RARS1: variants seen among roughly 807,000 people sequenced by gnomAD.
RARS1 encodes arginyl-tRNA synthetase 1.
A neutral mutation model predicts 78.7 loss-of-function variants in RARS1; 75 were observed. The observed-to-expected ratio is 0.95, with a 90% confidence interval of 0.79 to 1.15. The LOEUF (loss-of-function observed/expected upper bound fraction) is 1.15, where lower values mean the gene tolerates loss of function less well. Among genes scored for constraint, RARS1 ranks in the 50% most tolerant of loss-of-function variants. The probability of loss-of-function intolerance (pLI) is 0.00; values close to 1 mark genes in which losing one functional copy is unlikely to be tolerated. For missense variants in RARS1, 787 were observed against 787.5 expected (o/e 1.00, Z 0.01); for synonymous variants, 273 against 268.2 (o/e 1.02, Z -0.18).
chr5:168,496,351 C>T (rs1334605464), intron 6 of RARS1, among the ~76,000 whole-genome samples: 1 of 146,068 alleles, frequency 6.8e-6, no homozygotes, highest in African/African-American at 2.5e-5. Context: ...TGCACTCCAG[C>T]CTGGGCAACA....
In RARS1 at chr5:168,495,319, T is replaced by A. The variant is rs1181756482; in HGVS notation, c.584T>A (p.Ile195Lys). The A allele has an allele frequency of 6.2e-7, 1 of 1,613,684 alleles. No individual in the cohort carries two copies. Among genetic ancestry groups the A allele is most frequent in the Non-Finnish European group, 8.5e-7 (1 of 1,179,776 alleles). The change falls in exon 6 of 15, where the codon ATA becomes AAA. Residue 195 changes from isoleucine (I) to lysine (K), a missense_variant. Transcript: ENST00000231572. ...LPALGENKKVIVDFSSPNIAK... is the reference protein window; with the variant it reads ...LPALGENKKVKVDFSSPNIAK... ...TTCTCTTTTTGTCTACCCCAGGTTA[T>A]AGTTGACTTTTCCTCCCCTAATATA... is the stretch of plus-strand genomic sequence containing the variant.
chr5:168,515,540 A>C (rs7714332), intron 12 of RARS1, among the ~76,000 whole-genome samples: 19,837 of 152,288 alleles, frequency 0.13, 1,729 homozygotes, highest in Non-Finnish European at 0.19. Context: ...TATAAAGATT[A>C]TGGCTGAGGT....
intron 14 of RARS1, 24 bp downstream of exon 14, chr5:168,518,086 T>TTTTC: frequency 7.0e-7 from 1 of 1,433,936 alleles, no homozygotes; most frequent in East Asian, 3.0e-5. Flanking sequence ...TTTTTTTTTT[T>TTTTC]TTTTTTTTTA....
intron 12 of RARS1, among the ~76,000 whole-genome samples, chr5:168,510,952 C>T (rs1163795117): frequency 6.6e-6 from 1 of 152,182 alleles, no homozygotes; most frequent in Non-Finnish European, 1.5e-5. Flanking sequence ...AACAGCAGTT[C>T]CCAAAGATGG....
Position 168,486,497 on chromosome 5 carries a change from G to C in RARS1, c.-2G>C, listed in dbSNP as rs576866252. ...CTTGGCGAGTGAGACGCTGATGGGA[G>C]GATGGACGTACTGGTGTCTGAGTGC... On this transcript the variant is annotated 5_prime_UTR_variant, in exon 1 of 15. Coordinates refer to ENST00000231572, the MANE Select transcript of RARS1 (RefSeq NM_002887.4). 2.0e-5 allele frequency: 31 copies of C among 1,558,438 alleles called. No homozygotes were observed. In the Admixed American group the frequency reaches 5.5e-4, roughly 28 times the overall value.
intron 7 of RARS1, among the ~76,000 whole-genome samples, chr5:168,499,211 G>A (rs993699858): frequency 1.3e-5 from 2 of 151,902 alleles, no homozygotes; most frequent in East Asian, 1.9e-4. Flanking sequence ...CTTGGGAGGC[G>A]GAGGTGGGAG....
intron 8 of RARS1, among the ~76,000 whole-genome samples, chr5:168,501,389 C>CT (rs987961080): frequency 6.6e-6 from 1 of 151,830 alleles, no homozygotes; most frequent in African/African-American, 2.4e-5. Context: ...ATAGGAAGAG[C>CT]TTTTTTTTCT....
intron 9 of RARS1, among the ~76,000 whole-genome samples, chr5:168,502,471 AGAGTGCT>A (rs2152904871): frequency 6.7e-6 from 1 of 149,234 alleles, no homozygotes; most frequent in South Asian, 2.1e-4. Context: ...TCGGCCTCCC[AGAGTGCT>A]GGGATTATAG....
At chr5:168,518,995 TA>T in intron 14 of RARS1, 85 bp from the exon 15 acceptor site, 1 of 1,172,184 alleles carries the variant, frequency 8.5e-7, no homozygotes. Flanking sequence ...CACTTCTAAC[TA>T]AAATTTGCAA....
rs1478621573 is a variant in RARS1 at position 168,502,084 on chromosome 5, G to A, written c.1036G>A (p.Val346Ile). Residue 346 changes from valine (V) to isoleucine (I), a missense_variant, in exon 9 of 15, where the codon GTA becomes ATA. Physicochemically the swap from Val to Ile is conservative, Grantham distance 29 (BLOSUM62 3). Transcript: ENST00000231572. ...SFYQDRMNDI[V>I]KEFEDRGFVQ... ...CTATCAAGATAGGATGAATGATATT[G>A]TAAAGGAATTTGAAGATAGAGGTAG... The A allele has an allele frequency of 2.5e-6, 4 of 1,602,620 alleles. No homozygotes were observed. The highest frequency in any genetic ancestry group is 3.4e-5 in the Admixed American group (2 of 58,552).
Position 168,486,481 on chromosome 5 carries a change from T to G in RARS1, c.-18T>G. 5.8e-6 allele frequency: 9 copies of G among 1,555,588 alleles called. No individual in the cohort carries two copies. Among genetic ancestry groups the G allele is most frequent in the Non-Finnish European group, 7.8e-6 (9 of 1,148,684 alleles). ...TTTCCGCTTCCGTCCACTTGGCGAG[T>G]GAGACGCTGATGGGAGGATGGACGT... On this transcript the variant is annotated 5_prime_UTR_variant, in exon 1 of 15. Coordinates refer to ENST00000231572, the MANE Select transcript of RARS1 (RefSeq NM_002887.4).
At chr5:168,492,946 G>A in intron 3 of RARS1, 99 bp downstream of exon 3, 1 of 1,140,510 alleles carries the variant, frequency 8.8e-7, no homozygotes, top group Non-Finnish European at 1.2e-6. Context: ...TGTATCCTTA[G>A]TGAAAAGGAC....
chr5:168,508,597 G>A (rs1206682511), intron 11 of RARS1, among the ~76,000 whole-genome samples: 1 of 137,478 alleles, frequency 7.3e-6, no homozygotes, highest in South Asian at 2.3e-4. Context: ...TCCAGCGTGG[G>A]CGACAGAGCA....
chr5:168,508,619 CA>C (rs34579916), intron 11 of RARS1, among the ~76,000 whole-genome samples: 9,833 of 61,024 alleles, frequency 0.16, 140 homozygotes, highest in South Asian at 0.21. Flanking sequence ...GACTCTGTCT[CA>C]AAAAAAAAAA....
intron 3 of RARS1, 80 bp from the exon 4 acceptor site, chr5:168,493,814 C>T: frequency 1.8e-6 from 2 of 1,083,830 alleles, no homozygotes; most frequent in Non-Finnish European, 1.4e-6. Flanking sequence ...TAAAATGCAT[C>T]TCGTGCCTTG....
intron 3 of RARS1, 77 bp from the exon 4 acceptor site, chr5:168,493,817 G>C: frequency 1.8e-6 from 2 of 1,116,028 alleles, no homozygotes; most frequent in South Asian, 2.7e-5. Context: ...AATGCATCTC[G>C]TGCCTTGTCA....
intron 14 of RARS1, among the ~76,000 whole-genome samples, chr5:168,518,551 G>T (rs374297794): frequency 7.2e-5 from 11 of 152,228 alleles, no homozygotes; most frequent in African/African-American, 2.2e-4. Flanking sequence ...AACACAATGT[G>T]TTTGTGGGTC....
In RARS1 at chr5:168,500,705, G is replaced by C; in HGVS notation, c.937G>C (p.Asp313His). The change falls in exon 8 of 15, where the codon GAT (aspartate) becomes CAT (histidine). Residue 313 changes from aspartate to histidine, a missense_variant. Asp to His is a moderately conservative substitution (Grantham distance 81, BLOSUM62 -1). Coordinates refer to ENST00000231572, the MANE Select transcript of RARS1 (RefSeq NM_002887.4). ...TACAAAAGCTTGGAAGCTTATCTGT[G>C]ATGTCTCCCGCCAAGGTGAGTTTCT... The part of the protein sequence containing the change: ...DITKAWKLIC[D>H]VSRQELNKIY... 1 of 1,611,506 alleles carries C rather than the reference G, an allele frequency of 6.2e-7. No homozygotes were observed. Among genetic ancestry groups the C allele is most frequent in the Non-Finnish European group, 8.5e-7 (1 of 1,179,266 alleles).
rs779445618 is a variant in RARS1 at position 168,517,828 on chromosome 5, C to G, written c.1639C>G (p.Leu547Val). The G allele has an allele frequency of 4.4e-6, 7 of 1,603,710 alleles. No homozygotes were observed. Among genetic ancestry groups the G allele is most frequent in the Non-Finnish European group, 6.0e-6 (7 of 1,175,002 alleles). The change falls in exon 14 of 15, where the codon CTG (leucine) becomes GTG (valine). Residue 547 changes from leucine to valine, a missense_variant. By Grantham distance (32) the Leu-to-Val change is conservative (BLOSUM62 1). Coordinates refer to ENST00000231572, the MANE Select transcript of RARS1 (RefSeq NM_002887.4). Reference protein sequence around the residue: ...AFTRIRSIARLANIDEEMLQK... With the variant: ...AFTRIRSIARVANIDEEMLQK... Reference sequence around the variant, plus strand: ...GTTTTTTTTAAGGTCTATTGCACGTCTGGCCAATATTGATGAAGAAATGCT... The same window carrying G: ...GTTTTTTTTAAGGTCTATTGCACGTGTGGCCAATATTGATGAAGAAATGCT...
Sources: gnomAD v4.1 joint callset for allele counts (sites outside exome capture counted in the v4.1 genomes callset) on GRCh38, gnomAD v4.1.1 for gene constraint, MANE v1.5 for transcripts, NCBI Gene and HGNC (gene_info 2026-07-23, HGNC 2026-07-21) for gene names.